Variants in YEATS2 observed in about 807,000 individuals in gnomAD.
YEATS2 encodes YEATS domain containing 2.
In YEATS2, 77 loss-of-function variants were observed where a neutral mutation model predicts 163.2. The observed-to-expected ratio is 0.47, with a 90% CI of 0.39 to 0.57. YEATS2 has a LOEUF of 0.57. YEATS2 is among the 20% of genes least tolerant of loss of function. The probability of loss-of-function intolerance (pLI) is 0.00; values close to 1 mark genes in which losing one functional copy is unlikely to be tolerated. For missense variants in YEATS2, 1,549 were observed against 1,729.8 expected (o/e 0.90, Z 1.85); for synonymous variants, 631 against 645.1 (o/e 0.98, Z 0.33).
At chr3:183,782,641 C>G (rs1291449177) in intron 19 of YEATS2, among the ~76,000 whole-genome samples, 1 of 152,170 alleles carries the variant, frequency 6.6e-6, no homozygotes, top group Non-Finnish European at 1.5e-5. Context: ...CCAGGCTGGT[C>G]TCGAACTCCT....
intron 13 of YEATS2, among the ~76,000 whole-genome samples, chr3:183,760,614 G>A (rs773039273): frequency 2.0e-5 from 3 of 152,208 alleles, no homozygotes; most frequent in Middle Eastern, 3.4e-3. Flanking sequence ...GAGCCGCTGC[G>A]CCTGGCCAGA....
At chr3:183,717,298 C>T (rs1016594708) in intron 2 of YEATS2, among the ~76,000 whole-genome samples, 2 of 152,172 alleles carry the variant, frequency 1.3e-5, no homozygotes, top group Admixed American at 6.6e-5. Flanking sequence ...TCTCCTCAAC[C>T]CTTTCCTTGT....
At chr3:183,711,898 C>T (rs1004661570) in intron 1 of YEATS2, among the ~76,000 whole-genome samples, 11 of 151,796 alleles carry the variant, frequency 7.2e-5, no homozygotes, top group African/African-American at 2.7e-4. Context: ...CGGCTCACTG[C>T]AGCCTCCATT....
intron 12 of YEATS2, 50 bp from the exon 13 acceptor site, chr3:183,758,812 C>G (rs761275133): frequency 4.7e-6 from 6 of 1,275,148 alleles, no homozygotes; most frequent in Non-Finnish European, 5.6e-6. Flanking sequence ...TTAAAATTAC[C>G]TTTTGTAAAT....
chr3:183,717,544 C>G (rs1299249130), intron 2 of YEATS2, 107 bp from the exon 3 acceptor site: 4 of 797,750 alleles, frequency 5.0e-6, no homozygotes, highest in Non-Finnish European at 7.9e-6. Flanking sequence ...CTAGGTTTCT[C>G]CACTTTAGAG....
chr3:183,708,160 C>CTTTTT (rs35605564), intron 1 of YEATS2, among the ~76,000 whole-genome samples: 4 of 120,894 alleles, frequency 3.3e-5, no homozygotes, highest in East Asian at 2.5e-4. Flanking sequence ...GAATTGGCCA[C>CTTTTT]TTTTTTTTTT....
At chr3:183,738,972 C>T (rs554392345) in intron 8 of YEATS2, among the ~76,000 whole-genome samples, 187 of 143,048 alleles carry the variant, frequency 1.3e-3, no homozygotes, top group Admixed American at 3.2e-3. Context: ...CCTGAGGAAT[C>T]GCCACACTGA....
At chr3:183,728,921 T>G in intron 7 of YEATS2, 70 bp downstream of exon 7, 2 of 1,449,016 alleles carry the variant, frequency 1.4e-6, no homozygotes, top group South Asian at 1.3e-5. Flanking sequence ...GAAAAGTGAT[T>G]TAACTTCAAA....
At position 183,762,253 on chromosome 3, in the gene YEATS2, C is replaced by T. The variant is rs770090599; in HGVS notation, c.1921C>T (p.Gln641Ter). Residue 641 changes from glutamine (Q) to a stop codon, truncating the protein, a stop_gained, in exon 15 of 31, where the codon CAG becomes TAG. Coordinates refer to ENST00000305135, the MANE Select transcript of YEATS2 (RefSeq NM_018023.5). LOFTEE classifies it high-confidence loss of function. Reference protein sequence around the residue: ...QVITPGEGIAQSAKVQPSKVV... With the variant: ...QVITPGEGIA ...CATAACTCCTGGAGAAGGGATTGCCCAGTCAGCAAAGGTTCAGCCCTCCAA... is the reference window on the plus strand; with the variant it reads ...CATAACTCCTGGAGAAGGGATTGCCTAGTCAGCAAAGGTTCAGCCCTCCAA... The T allele has an allele frequency of 2.5e-6, 4 of 1,606,458 alleles. No homozygotes were observed. Among genetic ancestry groups the T allele is most frequent in the Non-Finnish European group, 3.4e-6 (4 of 1,174,212 alleles).
chr3:183,761,703 CT>C, intron 14 of YEATS2, 89 bp downstream of exon 14: 1 of 1,217,774 alleles, frequency 8.2e-7, no homozygotes, highest in Non-Finnish European at 1.2e-6. Context: ...CAACATGTTA[CT>C]TTTTAGTGGG....
chr3:183,756,520 T>C lies in YEATS2; in HGVS notation c.1391-8T>C. On this transcript the variant is annotated splice_region_variant and splice_polypyrimidine_tract_variant and intron_variant, in intron 11 of 30. Transcript: ENST00000305135. ...TTTTGTTTGTATTCTCTCTTTTTAA[T>C]TAATAAGGTTCCCCAATATCAACTC... 2 of 1,538,074 alleles carry C rather than the reference T, an allele frequency of 1.3e-6. No homozygotes were observed. Among genetic ancestry groups the C allele is most frequent in the Non-Finnish European group, 8.7e-7 (1 of 1,145,008 alleles).
intron 25 of YEATS2, 43 bp from the exon 26 acceptor site, chr3:183,803,213 C>T (rs761097327): frequency 1.4e-5 from 23 of 1,594,892 alleles, no homozygotes; most frequent in Admixed American, 1.0e-4. Flanking sequence ...TGGTTGGAAT[C>T]GTAAGAGCTT....
At chr3:183,753,709 C>T (rs1239873440) in intron 10 of YEATS2, among the ~76,000 whole-genome samples, 3 of 152,184 alleles carry the variant, frequency 2.0e-5, no homozygotes, top group African/African-American at 7.2e-5. Flanking sequence ...GATCACACCA[C>T]TGCACTCTAG....
rs1254696301 is a variant in YEATS2 at position 183,803,317 on chromosome 3, A to G, written c.3564A>G (p.Gly1188=). 4 of 1,610,948 alleles carry G rather than the reference A, an allele frequency of 2.5e-6. No homozygotes were observed. The highest frequency in any genetic ancestry group is 3.4e-6 in the Non-Finnish European group (4 of 1,179,380). Residue 1188 remains glycine, a synonymous_variant, in exon 26 of 31, where the codon GGA becomes GGG. Coordinates refer to ENST00000305135, the MANE Select transcript of YEATS2 (RefSeq NM_018023.5). ...SVEQYYGWNI[G]KRRAAEWQRA... ...AGCAGTACTATGGCTGGAACATTGGAAAAAGGAGAGCCGCTGAGGTAACCC... is the reference window on the plus strand; with the variant it reads ...AGCAGTACTATGGCTGGAACATTGGGAAAAGGAGAGCCGCTGAGGTAACCC...
rs1177179997 is a variant in YEATS2, at chr3:183,738,737, A to G, written c.924+1908A>G. Among the ~76,000 whole-genome samples, 3 of 126,578 alleles carry G rather than the reference A, an allele frequency of 2.4e-5. No homozygotes were observed. In the East Asian group the frequency reaches 6.8e-4, roughly 29 times the overall value. 83.0% of individuals were successfully genotyped at this position (126,578 alleles called of 152,430 possible). ...TCCCTACAAAGGATATGAACTCATC[A>G]TTTTTTATGGCTGCATAGTATTCCA... On this transcript the variant is annotated intron_variant, in intron 8 of 30. Coordinates refer to ENST00000305135, the MANE Select transcript of YEATS2 (RefSeq NM_018023.5).
At chr3:183,807,614 T>G in intron 28 of YEATS2, 1 of 210,958 alleles carries the variant, frequency 4.7e-6, no homozygotes, top group East Asian at 1.4e-4. Context: ...ATCTGCCAGT[T>G]GCTCAGGGCC....
intron 20 of YEATS2, among the ~76,000 whole-genome samples, chr3:183,787,841 C>CA (rs1390922658): frequency 1.8e-3 from 251 of 142,812 alleles, no homozygotes; most frequent in African/African-American, 1.6e-3. Context: ...ACTAAAAATA[C>CA]AAAAAAAAAA....
chr3:183,810,457 CT>C lies in YEATS2; in HGVS notation c.4161-15del. ...TGAGAGAATTTCACCTGGTAACACC[CT>C]TTGTTTTTTGGACCAGGATTCCCAA... is the stretch of plus-strand genomic sequence containing the variant. On this transcript the variant is annotated splice_polypyrimidine_tract_variant and intron_variant, in intron 30 of 30. Transcript: ENST00000305135. 1 of 1,600,788 alleles carries C rather than the reference CT, an allele frequency of 6.2e-7. No homozygotes were observed. Among genetic ancestry groups the C allele is most frequent in the South Asian group, 1.1e-5 (1 of 90,596 alleles).
chr3:183,703,079 T>C (rs558308759), intron 1 of YEATS2, among the ~76,000 whole-genome samples: 14 of 152,292 alleles, frequency 9.2e-5, no homozygotes, highest in South Asian at 2.1e-4. Context: ...CCTGGAAATA[T>C]ATAAGACTGA....
Sources: allele counts gnomAD v4.1 joint callset (sites outside exome capture counted in the v4.1 genomes callset), GRCh38; gene constraint gnomAD v4.1.1; transcripts MANE v1.5; gene names NCBI Gene and HGNC (gene_info 2026-07-23, HGNC 2026-07-21).